The following LINS1 variants were observed in gnomAD, a reference collection of about 807,000 sequenced individuals.
LINS1 encodes lines homolog 1, also known as protein Lines homolog 1.
Under a neutral mutation model 41.6 loss-of-function variants are expected in LINS1, and 27 were observed. That is an observed-to-expected ratio of 0.65 (90% CI 0.48 to 0.89). LINS1 has a LOEUF of 0.89. Among genes scored for constraint, LINS1 ranks in the 40% least tolerant of loss-of-function variants. The probability of loss-of-function intolerance (pLI) is 0.00; values close to 1 mark genes in which losing one functional copy is unlikely to be tolerated. For synonymous variants in LINS1, 336 were observed against 312.9 expected (o/e 1.07, Z -0.78); for missense variants, 955 against 884.1 (o/e 1.08, Z -1.02).
intron 1 of LINS1, among the ~76,000 whole-genome samples, chr15:100,587,077 T>A (rs1246461718): frequency 6.8e-6 from 1 of 146,094 alleles, no homozygotes; most frequent in Non-Finnish European, 1.5e-5. Flanking sequence ...CAGAATCGCT[T>A]GAGCCCAGGA....
At chr15:100,601,732 AAT>A (rs1228752722) in intron 1 of LINS1, among the ~76,000 whole-genome samples, 1 of 152,104 alleles carries the variant, frequency 6.6e-6, no homozygotes, top group African/African-American at 2.4e-5. Flanking sequence ...CTTGCTAATG[AAT>A]AAAGTGCTTA....
In LINS1 at chr15:100,568,166, G is replaced by A. The variant is rs959565846; in HGVS notation, c.*1072C>T. On this transcript the variant is annotated 3_prime_UTR_variant, in exon 7 of 7. Coordinates refer to ENST00000314742, the MANE Select transcript of LINS1 (RefSeq NM_001040616.3). ...TAGTGATTAAATTTTTTTTTAGAAAGAATCATGTTCATACAGTAGGCCAGG... is the reference window on the plus strand; with the variant it reads ...TAGTGATTAAATTTTTTTTTAGAAAAAATCATGTTCATACAGTAGGCCAGG... 1 of 151,360 alleles carries A rather than the reference G, an allele frequency of 6.6e-6. No homozygotes were observed. Among genetic ancestry groups the A allele is most frequent in the African/African-American group, 2.4e-5 (1 of 41,222 alleles). The allele number at this position is 151,360 out of a possible 1,614,324, so 9.4% of individuals were successfully genotyped here.
At chr15:100,594,339 A>G (rs1310393318) in intron 1 of LINS1, among the ~76,000 whole-genome samples, 1 of 152,230 alleles carries the variant, frequency 6.6e-6, no homozygotes, top group Non-Finnish European at 1.5e-5. Flanking sequence ...TCAACAGGCC[A>G]GCATGGTAAT....
intron 1 of LINS1, among the ~76,000 whole-genome samples, chr15:100,591,732 C>CA (rs1329692634): frequency 6.6e-6 from 1 of 152,156 alleles, no homozygotes; most frequent in African/African-American, 2.4e-5. Flanking sequence ...TTCAGATGAT[C>CA]ATGCAACAAA....
chr15:100,569,341 C>T lies in LINS1; in HGVS notation c.2171G>A (p.Cys724Tyr). ...GAAAAGATTTTTCTTTTGCAAACGG[C>T]AGATGGCATCTTGTAGTTCCTGGAA... ...KCFQELQDAI[C>Y]RLQKKNLFPY... is the part of the protein sequence containing the mutation. Residue 724 changes from cysteine (C) to tyrosine (Y), a missense_variant, in exon 7 of 7, where the codon TGC becomes TAC. By Grantham distance (194) the Cys-to-Tyr change is radical. Coordinates refer to ENST00000314742, the MANE Select transcript of LINS1 (RefSeq NM_001040616.3). 6.2e-7 allele frequency: 1 copy of T among 1,614,102 alleles called. No homozygotes were observed.
rs2037840669 is a variant in LINS1, at chr15:100,571,794, C to CA, written c.1394+99dup. 1.3e-5 allele frequency: 18 copies of CA among 1,384,226 alleles called. No homozygotes were observed. In the South Asian group the frequency reaches 2.0e-4, roughly 15 times the overall value. The allele number at this position is 1,384,226 out of a possible 1,614,324, so 85.7% of individuals were successfully genotyped here. ...GGAACTGCAACAGGATGTTTTCCCCCAAATGATGAAAGTAAGCAACACGCC... is the reference window on the plus strand; with the variant it reads ...GGAACTGCAACAGGATGTTTTCCCCCAAAATGATGAAAGTAAGCAACACGCC... On this transcript the variant is annotated intron_variant, in intron 6 of 6. Coordinates refer to ENST00000314742, the MANE Select transcript of LINS1 (RefSeq NM_001040616.3).
At position 100,569,600 on chromosome 15, in the gene LINS1, C is replaced by A. The variant is rs797045682; in HGVS notation, c.1912G>T (p.Glu638Ter). ...DYDSSDDSDV[E>*]STEQCLANSK... is the part of the protein sequence containing the mutation. ...TTAGCTAAACACTGCTCTGTGGATTCCACGTCAGAATCGTCAGAGCTGTCG... is the reference window on the plus strand; with the variant it reads ...TTAGCTAAACACTGCTCTGTGGATTACACGTCAGAATCGTCAGAGCTGTCG... The change falls in exon 7 of 7, where the codon GAA becomes TAA. Residue 638 changes from glutamate (E) to a stop codon, truncating the protein, a stop_gained. Coordinates refer to ENST00000314742, the MANE Select transcript of LINS1 (RefSeq NM_001040616.3). LOFTEE classifies it low-confidence loss of function (END_TRUNC). 2 of 1,613,480 alleles carry A rather than the reference C, an allele frequency of 1.2e-6. No homozygotes were observed. The highest frequency in any genetic ancestry group is 1.7e-6 in the Non-Finnish European group (2 of 1,179,594).
intron 1 of LINS1, among the ~76,000 whole-genome samples, chr15:100,597,786 T>A (rs1187368993): frequency 3.3e-5 from 5 of 152,234 alleles, no homozygotes; most frequent in Non-Finnish European, 7.3e-5. Flanking sequence ...AGGAACTGTC[T>A]ATAGATGTGA....
intron 1 of LINS1, among the ~76,000 whole-genome samples, chr15:100,592,735 G>A (rs1193377655): frequency 1.3e-5 from 2 of 152,194 alleles, no homozygotes; most frequent in South Asian, 2.1e-4. Flanking sequence ...GCTTAAAGGA[G>A]ATGGGCCTGT....
At chr15:100,593,013 T>G (rs1229139856) in intron 1 of LINS1, among the ~76,000 whole-genome samples, 1 of 152,222 alleles carries the variant, frequency 6.6e-6, no homozygotes, top group Admixed American at 6.5e-5. Flanking sequence ...CTAGGGGATT[T>G]AACTGACCAC....
chr15:100,600,551 C>CAAAAAAAAAAAAAAA lies in LINS1; in HGVS notation c.-104+1555_-104+1569dup, dbSNP rs56911211. 9.5e-4 allele frequency among the ~76,000 whole-genome samples: 76 copies of CAAAAAAAAAAAAAAA among 79,674 alleles called. 14 individuals carry two copies. Among genetic ancestry groups the CAAAAAAAAAAAAAAA allele is most frequent in the African/African-American group, 4.7e-3 (70 of 15,012 alleles). The allele number at this position is 79,674 out of a possible 152,430, so 52.3% of individuals were successfully genotyped here. On this transcript the variant is annotated intron_variant, in intron 1 of 6. Coordinates refer to ENST00000314742, the MANE Select transcript of LINS1 (RefSeq NM_001040616.3). ...TTTACATTGGAGTCCTGCTGTTAAG[C>CAAAAAAAAAAAAAAA]AAAAAAAAAAAAAAAAAAAACAGGG... is the stretch of plus-strand genomic sequence containing the variant.
intron 1 of LINS1, among the ~76,000 whole-genome samples, chr15:100,582,916 G>C (rs2038626781): frequency 6.8e-6 from 1 of 147,708 alleles, no homozygotes; most frequent in Non-Finnish European, 1.5e-5. Context: ...TCTTATACTG[G>C]GTCTTCCATC....
chr15:100,596,679 T>C (rs1198339331), intron 1 of LINS1, among the ~76,000 whole-genome samples: 1 of 152,106 alleles, frequency 6.6e-6, no homozygotes, highest in African/African-American at 2.4e-5. Flanking sequence ...AAAATCAAGC[T>C]GCAAGCATAG....
chr15:100,572,833 T>C, intron 5 of LINS1: 1 of 861,594 alleles, frequency 1.2e-6, no homozygotes, highest in Non-Finnish European at 1.4e-6. Context: ...ATATAACTTC[T>C]CATATATTAG....
At chr15:100,588,539 A>G (rs2038906801) in intron 1 of LINS1, among the ~76,000 whole-genome samples, 1 of 152,244 alleles carries the variant, frequency 6.6e-6, no homozygotes, top group African/African-American at 2.4e-5. Flanking sequence ...TAAAATAAAA[A>G]TATCTTCACA....
intron 1 of LINS1, among the ~76,000 whole-genome samples, chr15:100,585,442 G>A (rs2038758981): frequency 6.6e-6 from 1 of 152,214 alleles, no homozygotes; most frequent in African/African-American, 2.4e-5. Flanking sequence ...CAGGGGGCCT[G>A]GTTAACATGT....
In LINS1 at chr15:100,568,941, G is replaced by A. The variant is rs569331146; in HGVS notation, c.*297C>T. ...GAGTTTGAGACCAGCCTGGCAACAT[G>A]GTGAAACCCCCGTCTCTACTAAAAA... On this transcript the variant is annotated 3_prime_UTR_variant, in exon 7 of 7. Transcript: ENST00000314742. The A allele has an allele frequency of 8.2e-5, 21 of 257,544 alleles. No individual in the cohort carries two copies. The highest frequency in any genetic ancestry group is 1.1e-4 in the Non-Finnish European group (15 of 132,580). The allele number at this position is 257,544 out of a possible 1,614,324, so 16.0% of individuals were successfully genotyped here.
chr15:100,572,544 G>A (rs2037889192), intron 5 of LINS1: 2 of 980,874 alleles, frequency 2.0e-6, no homozygotes, highest in African/African-American at 1.8e-5. Flanking sequence ...AAACGTTTTA[G>A]GTAGTTTGAA....
chr15:100,588,160 G>A (rs149896072), intron 1 of LINS1, among the ~76,000 whole-genome samples: 27 of 152,206 alleles, frequency 1.8e-4, no homozygotes, highest in African/African-American at 6.0e-4. Flanking sequence ...GTATTTTTCT[G>A]TCATAAAGAG....
Sources: allele counts gnomAD v4.1 joint callset (sites outside exome capture counted in the v4.1 genomes callset), GRCh38; gene constraint gnomAD v4.1.1; transcripts MANE v1.5; gene names NCBI Gene and HGNC (gene_info 2026-07-23, HGNC 2026-07-21).